The following L3MBTL3 variants were observed in gnomAD, a reference collection of about 807,000 sequenced individuals.
L3MBTL3 encodes the protein L3MBTL histone methyl-lysine binding protein 3, also known as lethal(3)malignant brain tumor-like protein 3.
Under a neutral mutation model 102.3 loss-of-function variants are expected in L3MBTL3, and 27 were observed. The observed-to-expected ratio is 0.26, with a 90% confidence interval of 0.19 to 0.36. The LOEUF (loss-of-function observed/expected upper bound fraction) is 0.36, where lower values mean the gene tolerates loss of function less well. Among genes scored for constraint, L3MBTL3 ranks in the 10% least tolerant of loss-of-function variants. L3MBTL3 has a pLI of 1.00. For missense variants in L3MBTL3, 798 were observed against 955.3 expected (o/e 0.84, Z 2.17); for synonymous variants, 340 against 320.9 (o/e 1.06, Z -0.64).
chr6:130,113,943 TTAATTAG>T (rs1208838015), intron 19 of L3MBTL3, among the ~76,000 whole-genome samples: 1 of 152,146 alleles, frequency 6.6e-6, no homozygotes, highest in Non-Finnish European at 1.5e-5. Flanking sequence ...ATTACAAAAG[TTAATTAG>T]TAAACCTTGG....
At chr6:130,034,665 A>G (rs977615626) in intron 2 of L3MBTL3, among the ~76,000 whole-genome samples, 8 of 152,258 alleles carry the variant, frequency 5.3e-5, no homozygotes, top group African/African-American at 1.7e-4. Context: ...TTTCTTAAAA[A>G]GAAACAGTTT....
chr6:130,054,071 G>A lies in L3MBTL3; in HGVS notation c.582+1080G>A, dbSNP rs189234352. Among the ~76,000 whole-genome samples the A allele has an allele frequency of 1.7e-3, 260 of 152,312 alleles. 2 individuals carry two copies. The highest frequency in any genetic ancestry group is 0.014 in the Admixed American group (219 of 15,306). On this transcript the variant is annotated intron_variant, in intron 7 of 22. Coordinates refer to ENST00000361794, the MANE Select transcript of L3MBTL3 (RefSeq NM_032438.4). ...GTTGTCAGGGAGCCCTCTCAAAGACGATGGCATGAACAGTGTGATCTGATG... is the reference window on the plus strand; with the variant it reads ...GTTGTCAGGGAGCCCTCTCAAAGACAATGGCATGAACAGTGTGATCTGATG...
chr6:130,041,147 T>C (rs1269901667), intron 2 of L3MBTL3, among the ~76,000 whole-genome samples: 3 of 152,210 alleles, frequency 2.0e-5, no homozygotes, highest in Non-Finnish European at 4.4e-5. Flanking sequence ...TGCTAAAGAA[T>C]TTCTGGTAAT....
At chr6:130,047,848 G>A (rs999370490) in intron 3 of L3MBTL3, among the ~76,000 whole-genome samples, 1 of 152,052 alleles carries the variant, frequency 6.6e-6, no homozygotes, top group Non-Finnish European at 1.5e-5. Context: ...TTTTCTAAAA[G>A]TAAAGTTATT....
At chr6:130,034,753 T>C (rs902581141) in intron 2 of L3MBTL3, among the ~76,000 whole-genome samples, 1 of 152,252 alleles carries the variant, frequency 6.6e-6, no homozygotes, top group Non-Finnish European at 1.5e-5. Flanking sequence ...TCGGCCAGGC[T>C]GGACAACTTG....
intron 3 of L3MBTL3, among the ~76,000 whole-genome samples, chr6:130,047,851 A>G (rs1313429499): frequency 1.3e-5 from 2 of 152,150 alleles, no homozygotes; most frequent in Non-Finnish European, 2.9e-5. Context: ...TCTAAAAGTA[A>G]AGTTATTTTT....
chr6:130,067,398 G>A (rs913325274), intron 11 of L3MBTL3, among the ~76,000 whole-genome samples: 1 of 152,140 alleles, frequency 6.6e-6, no homozygotes, highest in Non-Finnish European at 1.5e-5. Flanking sequence ...ACAGGTGTAA[G>A]CCACCGTGCC....
At position 130,139,942 on chromosome 6, in the gene L3MBTL3, G is replaced by C; in HGVS notation, c.*189G>C. 2.4e-6 allele frequency: 1 copy of C among 418,162 alleles called. No individual in the cohort carries two copies. Among genetic ancestry groups the C allele is most frequent in the Non-Finnish European group, 4.2e-6 (1 of 236,876 alleles). The allele number at this position is 418,162 out of a possible 1,614,324, so 25.9% of individuals were successfully genotyped here. A position where few individuals can be genotyped will look rare whatever the true frequency, so the allele number is the denominator to read the frequency against. On this transcript the variant is annotated 3_prime_UTR_variant, in exon 23 of 23. Coordinates refer to ENST00000361794, the MANE Select transcript of L3MBTL3 (RefSeq NM_032438.4). ...TGAAAGTGCTTGAGCTTTTAACCAG[G>C]TACTGTCTAACAACAGTCATCTTTT...
At chr6:130,115,622 G>A (rs1219881347) in intron 19 of L3MBTL3, among the ~76,000 whole-genome samples, 1 of 152,138 alleles carries the variant, frequency 6.6e-6, no homozygotes, top group Non-Finnish European at 1.5e-5. Context: ...AGCATAATTA[G>A]ATTAAGACAG....
At chr6:130,104,348 G>T in intron 18 of L3MBTL3, 78 bp from the exon 19 acceptor site, 1 of 1,041,164 alleles carries the variant, frequency 9.6e-7, no homozygotes, top group Non-Finnish European at 1.3e-6. Flanking sequence ...TCTGTATCCT[G>T]TCATTTTAAT....
At chr6:130,063,679 C>T (rs577409490) in intron 10 of L3MBTL3, among the ~76,000 whole-genome samples, 1 of 152,172 alleles carries the variant, frequency 6.6e-6, no homozygotes, top group South Asian at 2.1e-4. Flanking sequence ...CACTATCACT[C>T]CTGCCTGATG....
At chr6:130,040,474 T>C (rs976711452) in intron 2 of L3MBTL3, among the ~76,000 whole-genome samples, 1 of 152,188 alleles carries the variant, frequency 6.6e-6, no homozygotes, top group Non-Finnish European at 1.5e-5. Flanking sequence ...TGTTGACATA[T>C]TTCATTATGA....
At chr6:130,131,546 C>T (rs1448439724) in intron 20 of L3MBTL3, among the ~76,000 whole-genome samples, 2 of 152,138 alleles carry the variant, frequency 1.3e-5, no homozygotes, top group African/African-American at 2.4e-5. Context: ...GCAGTCCAGA[C>T]CCCAGGAGAG....
At chr6:130,063,165 G>A (rs1782023275) in intron 10 of L3MBTL3, among the ~76,000 whole-genome samples, 2 of 152,122 alleles carry the variant, frequency 1.3e-5, no homozygotes, top group Admixed American at 1.3e-4. Flanking sequence ...GGCAGAAGGA[G>A]GAGTCTCTTG....
intron 13 of L3MBTL3, among the ~76,000 whole-genome samples, chr6:130,077,307 A>G (rs4383834): frequency 0.94 from 143,096 of 152,164 alleles, 67,748 homozygotes; most frequent in Middle Eastern, 1. Context: ...TTAATGAATT[A>G]TGTATTAAAA....
At chr6:130,058,378 C>T (rs1040951574) in intron 9 of L3MBTL3, among the ~76,000 whole-genome samples, 1 of 151,782 alleles carries the variant, frequency 6.6e-6, no homozygotes, top group Non-Finnish European at 1.5e-5. Context: ...ACATGCCTGC[C>T]TGCAGTCTCA....
chr6:130,052,789 T>G (rs1195092727), intron 6 of L3MBTL3, 70 bp from the exon 7 acceptor site: 7 of 1,517,170 alleles, frequency 4.6e-6, no homozygotes, highest in Non-Finnish European at 6.2e-6. Flanking sequence ...ATTGTTGCAT[T>G]GATAATCAAC....
intron 2 of L3MBTL3, among the ~76,000 whole-genome samples, chr6:130,035,420 G>A (rs1359620221): frequency 6.6e-6 from 1 of 152,352 alleles, no homozygotes; most frequent in East Asian, 1.9e-4. Flanking sequence ...GAGATGAGGA[G>A]TGGTGTAGGA....
At chr6:130,119,340 A>C (rs548463517) in intron 19 of L3MBTL3, among the ~76,000 whole-genome samples, 2 of 152,176 alleles carry the variant, frequency 1.3e-5, no homozygotes, top group African/African-American at 2.4e-5. Context: ...CTGGGATAGA[A>C]TTTGTGCACT....
Sources: gnomAD v4.1 joint callset for allele counts (sites outside exome capture counted in the v4.1 genomes callset) on GRCh38, gnomAD v4.1.1 for gene constraint, MANE v1.5 for transcripts, NCBI Gene and HGNC (gene_info 2026-07-23, HGNC 2026-07-21) for gene names.